Variants in EMC3 observed in about 807,000 individuals in gnomAD.
EMC3 encodes 30 kDa protein.
Under a neutral mutation model 36.6 loss-of-function variants are expected in EMC3, and 13 were observed. That is an observed-to-expected ratio of 0.35 (90% CI 0.23 to 0.56). The LOEUF (loss-of-function observed/expected upper bound fraction) is 0.56. Ranked by LOEUF, EMC3 falls within the 20% of genes least tolerant of loss-of-function variation. The probability of loss-of-function intolerance (pLI) is 0.84; values close to 1 mark genes in which losing one functional copy is unlikely to be tolerated. For missense variants in EMC3, 220 were observed against 324.5 expected (o/e 0.68, Z 2.47); for synonymous variants, 120 against 111.9 (o/e 1.07, Z -0.46).
chr3:10,003,907 T>C (rs1416272848), intron 1 of EMC3: 1 of 153,632 alleles, frequency 6.5e-6, no homozygotes, highest in Non-Finnish European at 1.4e-5. Context: ...CCAGAAAACA[T>C]CATCCTTGAT....
At chr3:9,997,956 A>G (rs2086148255) in intron 1 of EMC3, among the ~76,000 whole-genome samples, 1 of 152,138 alleles carries the variant, frequency 6.6e-6, no homozygotes, top group East Asian at 1.9e-4. Flanking sequence ...TATGTTTACC[A>G]TTTTGAGGAA....
At chr3:9,987,664 T>C (rs1290448352), upstream of EMC3, among the ~76,000 whole-genome samples, 1 of 152,252 alleles carries the variant, frequency 6.6e-6, no homozygotes, top group Non-Finnish European at 1.5e-5. Flanking sequence ...CATTGATCTA[T>C]ATAAGCTGCT....
chr3:9,998,366 AAATAAT>A (rs35879571), intron 1 of EMC3, among the ~76,000 whole-genome samples: 2,093 of 137,358 alleles, frequency 0.015, 31 homozygotes, highest in African/African-American at 0.037. Context: ...ACTCTGTCTC[AAATAAT>A]AATAATAATA....
intron 1 of EMC3, among the ~76,000 whole-genome samples, chr3:9,999,050 G>T (rs1298931714): frequency 6.6e-6 from 1 of 152,136 alleles, no homozygotes; most frequent in African/African-American, 2.4e-5. Context: ...GAGCCACTGT[G>T]CTCAGCCCTT....
upstream of EMC3, chr3:9,988,661 C>T (rs1361149751): frequency 1.5e-5 from 17 of 1,133,804 alleles, no homozygotes; most frequent in African/African-American, 3.4e-5. Context: ...TAAGGTGTAA[C>T]GTGTTTCGCT....
chr3:9,969,374 TG>T lies in EMC3; in HGVS notation c.657+344del, dbSNP rs2085762543. 7 of 1,148,092 alleles carry T rather than the reference TG, an allele frequency of 6.1e-6. No individual in the cohort carries two copies. In the African/African-American group the frequency reaches 6.6e-5, roughly 11 times the overall value. The allele number at this position is 1,148,092 out of a possible 1,614,324, so 71.1% of individuals were successfully genotyped here. A position where few individuals can be genotyped will look rare whatever the true frequency, so the allele number is the denominator to read the frequency against. On this transcript the variant is annotated intron_variant, in intron 7 of 7. Transcript: ENST00000245046. ...CTTTTTGTGAAAAGGCTCTTAGTAT[TG>T]TTTTTTTAATGCAATTTATATCTGA...
Position 9,986,820 on chromosome 3 carries a change from T to C in EMC3, c.-159A>G, listed in dbSNP as rs936005402. On this transcript the variant is annotated 5_prime_UTR_variant, in exon 1 of 8. Transcript: ENST00000245046. ...GTGAGCCGAGCTTACTGCCTTCAGC[T>C]GGGCTGCCTGGTCTTCCACTTCCGG... 195 of 1,412,796 alleles carry C rather than the reference T, an allele frequency of 1.4e-4. No individual in the cohort carries two copies. Among genetic ancestry groups the C allele is most frequent in the Non-Finnish European group, 1.7e-4 (181 of 1,081,240 alleles). 87.5% of individuals were successfully genotyped at this position (1,412,796 alleles called of 1,614,324 possible).
intron 1 of EMC3, chr3:9,981,581 A>G (rs2085912188): frequency 4.2e-6 from 1 of 235,792 alleles, no homozygotes. Flanking sequence ...TTGCAACTGA[A>G]GGACATCTTT....
At chr3:9,976,855 T>C (rs544043996) in intron 3 of EMC3, 102 bp downstream of exon 3, 37 of 778,378 alleles carry the variant, frequency 4.8e-5, no homozygotes, top group Non-Finnish European at 7.9e-5. Flanking sequence ...TCTTTTGCAA[T>C]TTAACATTTA....
intron 7 of EMC3, chr3:9,969,247 C>A: frequency 2.3e-6 from 2 of 879,824 alleles, no homozygotes; most frequent in Non-Finnish European, 2.9e-6. Flanking sequence ...CGTGTGAGCC[C>A]CTGTGCCTGG....
chr3:9,999,040 G>A (rs1303876482), intron 1 of EMC3, among the ~76,000 whole-genome samples: 2 of 152,174 alleles, frequency 1.3e-5, no homozygotes, highest in Non-Finnish European at 2.9e-5. Flanking sequence ...TTACAGGCAC[G>A]AGCCACTGTG....
intron 1 of EMC3, chr3:10,003,117 C>A (rs1477868102): frequency 2.2e-6 from 1 of 456,592 alleles, no homozygotes; most frequent in Non-Finnish European, 4.4e-6. Context: ...ACCCAGAAAC[C>A]TCTGGCTCAC....
rs1236313622 is a variant in EMC3 at position 9,963,463 on chromosome 3, A to AGATATAGATATG, written c.*605_*606insCATATCTATATC. 3.8e-5 allele frequency: 4 copies of AGATATAGATATG among 104,060 alleles called. No homozygotes were observed. The highest frequency in any genetic ancestry group is 7.4e-5 in the African/African-American group (2 of 26,870). 6.4% of individuals were successfully genotyped at this position (104,060 alleles called of 1,614,324 possible). A position where few individuals can be genotyped will look rare whatever the true frequency, so the allele number is the denominator to read the frequency against. Reference sequence around the variant, plus strand: ...GGCTTCTGCTAAGATAGATATATATATATATATATATATATTTTTTTTTTT... The same window carrying AGATATAGATATG: ...GGCTTCTGCTAAGATAGATATATATAGATATAGATATGTATATATATATATATTTTTTTTTTT... On this transcript the variant is annotated 3_prime_UTR_variant, in exon 8 of 8. Coordinates refer to ENST00000245046, the MANE Select transcript of EMC3 (RefSeq NM_001394674.1).
intron 1 of EMC3, 119 bp downstream of exon 1, chr3:9,986,388 G>A (rs2085972260): frequency 8.6e-7 from 1 of 1,168,334 alleles, no homozygotes; most frequent in Non-Finnish European, 1.2e-6. Context: ...GAGGTAACGG[G>A]TAAGGTCACC....
At chr3:9,976,195 C>G (rs1001022850) in intron 3 of EMC3, among the ~76,000 whole-genome samples, 1 of 152,080 alleles carries the variant, frequency 6.6e-6, no homozygotes, top group African/African-American at 2.4e-5. Context: ...CAACCTCCAC[C>G]TCCCAGGTTC....
At chr3:9,973,315 C>T (rs112358100) in intron 5 of EMC3, among the ~76,000 whole-genome samples, 18,903 of 151,890 alleles carry the variant, frequency 0.12, 2,127 homozygotes, top group African/African-American at 0.3. Flanking sequence ...CTGCCTCAGC[C>T]TCCCGAGAAG....
At chr3:10,009,573 G>A (rs557013426) in intron 1 of EMC3, among the ~76,000 whole-genome samples, 1 of 152,220 alleles carries the variant, frequency 6.6e-6, no homozygotes, top group Non-Finnish European at 1.5e-5. Context: ...GGGTGGAGGG[G>A]CAAGGGCCCT....
At chr3:9,971,231 C>T (rs1575674779) in intron 5 of EMC3, among the ~76,000 whole-genome samples, 1 of 152,082 alleles carries the variant, frequency 6.6e-6, no homozygotes. Flanking sequence ...TCCATACTTA[C>T]AAGAAGGGAT....
At position 9,974,491 on chromosome 3, in the gene EMC3, A is replaced by G. The variant is rs1311867785; in HGVS notation, c.308-3T>C. On this transcript the variant is annotated splice_polypyrimidine_tract_variant and splice_region_variant and intron_variant, in intron 3 of 7. Coordinates refer to ENST00000245046, the MANE Select transcript of EMC3 (RefSeq NM_001394674.1). ...CATGTCTGTCAACATAGTAGGATCT[A>G]AGACAAAAGCACAAACAAGAAACCA... is the stretch of plus-strand genomic sequence containing the variant. The G allele has an allele frequency of 7.5e-6, 12 of 1,590,758 alleles. No individual in the cohort carries two copies. The highest frequency in any genetic ancestry group is 1.0e-5 in the Non-Finnish European group (12 of 1,158,872).
Sources: allele counts gnomAD v4.1 joint callset (sites outside exome capture counted in the v4.1 genomes callset), GRCh38; gene constraint gnomAD v4.1.1; transcripts MANE v1.5; gene names NCBI Gene and HGNC (gene_info 2026-07-23, HGNC 2026-07-21).